The following TCERG1L variants were observed in gnomAD, a reference collection of about 807,000 sequenced individuals.
TCERG1L encodes transcription elongation regulator 1 like.
In TCERG1L, 37 loss-of-function variants were observed where a neutral mutation model predicts 56.3. The observed-to-expected ratio is 0.66, with a 90% CI of 0.51 to 0.87. TCERG1L has a LOEUF of 0.87. Among genes scored for constraint, TCERG1L ranks in the 40% least tolerant of loss-of-function variants. TCERG1L has a pLI of 0.00. For synonymous variants in TCERG1L, 324 were observed against 326.3 expected, an observed-to-expected ratio of 0.99 and a Z score of 0.08; for missense variants, 799 against 774.2, an observed-to-expected ratio of 1.03 and a Z score of -0.38.
Position 131,272,802 on chromosome 10 carries a change from C to T in TCERG1L, c.671-12358G>A, listed in dbSNP as rs186356986. Among the ~76,000 whole-genome samples, 87 of 152,328 alleles carry T rather than the reference C, an allele frequency of 5.7e-4. 1 individual carries two copies. The East Asian group carries it at 0.012, about 21-fold the overall frequency. On this transcript the variant is annotated intron_variant, in intron 3 of 11. Coordinates refer to ENST00000368642, the MANE Select transcript of TCERG1L (RefSeq NM_174937.4). ...CCTGCCGGGATGTGGAGGCATGAGC[C>T]GTCACCTCAGCAGGCTCAACACACC...
chr10:131,195,877 C>G, intron 4 of TCERG1L, among the ~76,000 whole-genome samples: 1 of 152,202 alleles, frequency 6.6e-6, no homozygotes, highest in East Asian at 1.9e-4. Context: ...CCACACAAGG[C>G]GAGGCAAGCA....
chr10:131,254,942 G>A (rs369466033), intron 4 of TCERG1L, among the ~76,000 whole-genome samples: 1 of 152,226 alleles, frequency 6.6e-6, no homozygotes, highest in South Asian at 2.1e-4. Context: ...TCATTGGGAA[G>A]TGGAGGTAGT....
At chr10:131,186,351 C>G (rs561756812) in intron 4 of TCERG1L, among the ~76,000 whole-genome samples, 56 of 152,148 alleles carry the variant, frequency 3.7e-4, no homozygotes, top group Non-Finnish European at 6.3e-4. Flanking sequence ...TATAGTTAAC[C>G]TATGGTATGT....
intron 6 of TCERG1L, among the ~76,000 whole-genome samples, chr10:131,147,755 C>T (rs996734783): frequency 2.6e-5 from 4 of 152,244 alleles, no homozygotes; most frequent in African/African-American, 9.6e-5. Flanking sequence ...TTGACTTCCC[C>T]GAGGGAGGCC....
intron 4 of TCERG1L, among the ~76,000 whole-genome samples, chr10:131,193,247 TC>T (rs1187817130): frequency 1.3e-5 from 2 of 152,228 alleles, no homozygotes; most frequent in Non-Finnish European, 2.9e-5. Flanking sequence ...TCTTTGTATG[TC>T]CTAAATATTA....
chr10:131,303,015 T>C (rs1199168814), intron 3 of TCERG1L, among the ~76,000 whole-genome samples: 2 of 152,056 alleles, frequency 1.3e-5, no homozygotes, highest in Non-Finnish European at 2.9e-5. Flanking sequence ...ATTTTCTTTA[T>C]CCAGTCTATC....
chr10:131,139,957 T>C lies in TCERG1L; in HGVS notation c.1190-5509A>G, dbSNP rs146247708. ...TGCATCAGGTAGTAAAAGTCCTGAG[T>C]CTCTGAGTCAAATGTCTTCCTTTCT... On this transcript the variant is annotated intron_variant, in intron 7 of 11. Transcript: ENST00000368642. Among the ~76,000 whole-genome samples the C allele has an allele frequency of 7.5e-3, 1,146 of 152,220 alleles. 13 individuals are homozygous for C. Among genetic ancestry groups the C allele is most frequent in the African/African-American group, 0.027 (1,103 of 41,522 alleles).
At chr10:131,106,462 G>A (rs1309732551) in intron 9 of TCERG1L, among the ~76,000 whole-genome samples, 2 of 152,192 alleles carry the variant, frequency 1.3e-5, no homozygotes, top group Non-Finnish European at 2.9e-5. Flanking sequence ...AGGACCAGCT[G>A]GTGGTGGGGA....
At chr10:131,152,691 C>T (rs993095971) in intron 6 of TCERG1L, among the ~76,000 whole-genome samples, 1 of 152,172 alleles carries the variant, frequency 6.6e-6, no homozygotes, top group African/African-American at 2.4e-5. Flanking sequence ...TAAGAATTTA[C>T]TGTATTAGTT....
intron 3 of TCERG1L, among the ~76,000 whole-genome samples, chr10:131,286,421 T>C (rs922825820): frequency 6.6e-6 from 1 of 152,232 alleles, no homozygotes; most frequent in African/African-American, 2.4e-5. Context: ...AAACCTGTGG[T>C]TACAATACCG....
intron 4 of TCERG1L, among the ~76,000 whole-genome samples, chr10:131,253,757 T>A (rs1471551980): frequency 1.3e-5 from 2 of 152,186 alleles, no homozygotes; most frequent in African/African-American, 4.8e-5. Flanking sequence ...CTAACCACAG[T>A]GCACAGGTGT....
chr10:131,117,969 G>A (rs1289932698), intron 8 of TCERG1L, among the ~76,000 whole-genome samples: 2 of 152,128 alleles, frequency 1.3e-5, no homozygotes, highest in Non-Finnish European at 2.9e-5. Flanking sequence ...CTGGGGGCAG[G>A]TCCGTCGGCT....
chr10:131,123,905 G>A (rs1166414264), intron 8 of TCERG1L, among the ~76,000 whole-genome samples: 1 of 145,782 alleles, frequency 6.9e-6, no homozygotes, highest in African/African-American at 2.4e-5. Context: ...GCCCCGTGAC[G>A]ATTTCCTTGG....
rs1038464509 is a variant in TCERG1L, at chr10:131,239,578, C to T, written c.856+20681G>A. ...GTGTGTGCTTGCAGGGACTCTCAGA[C>T]GCATCGGCCCTCAGACATCCATCGC... On this transcript the variant is annotated intron_variant, in intron 4 of 11. Transcript: ENST00000368642. 6.6e-5 allele frequency among the ~76,000 whole-genome samples: 10 copies of T among 152,358 alleles called. No homozygotes were observed. In the South Asian group the frequency reaches 1.5e-3, roughly 22 times the overall value.
intron 4 of TCERG1L, among the ~76,000 whole-genome samples, chr10:131,176,833 T>TAC (rs1292107873): frequency 2.9e-4 from 38 of 131,692 alleles, no homozygotes; most frequent in South Asian, 9.6e-4. Context: ...CAGACACGTG[T>TAC]ACACACAGGC....
In TCERG1L at chr10:131,130,137, A is replaced by G. The variant is rs894106083; in HGVS notation, c.1259+4242T>C. ...GGATTCACAGTTCCACGGTTCTGGG[A>G]GGCCTCACAATCACAGTGGAGGTGA... is the stretch of plus-strand genomic sequence containing the variant. On this transcript the variant is annotated intron_variant, in intron 8 of 11. Coordinates refer to ENST00000368642, the MANE Select transcript of TCERG1L (RefSeq NM_174937.4). Among the ~76,000 whole-genome samples, 47 of 150,944 alleles carry G rather than the reference A, an allele frequency of 3.1e-4. No individual in the cohort carries two copies. The East Asian group carries it at 4.7e-3, about 15-fold the overall frequency.
chr10:131,303,607 G>A (rs1474660655), intron 3 of TCERG1L, among the ~76,000 whole-genome samples: 1 of 152,040 alleles, frequency 6.6e-6, no homozygotes. Flanking sequence ...AGCAATATAG[G>A]TTTGTTGTTT....
Position 131,092,979 on chromosome 10 carries a change from G to C in TCERG1L, c.*183C>G, listed in dbSNP as rs1047338841. 1 of 573,216 alleles carries C rather than the reference G, an allele frequency of 1.7e-6. No homozygotes were observed. The highest frequency in any genetic ancestry group is 1.9e-5 in the African/African-American group (1 of 53,268). 35.5% of individuals were successfully genotyped at this position (573,216 alleles called of 1,614,324 possible). A position where few individuals can be genotyped will look rare whatever the true frequency, so the allele number is the denominator to read the frequency against. On this transcript the variant is annotated 3_prime_UTR_variant, in exon 12 of 12. Coordinates refer to ENST00000368642, the MANE Select transcript of TCERG1L (RefSeq NM_174937.4). ...ATTAGAAATGCATCAAACTCTGAAT[G>C]TACAAAAGAGAGAGCTTCAATATGA...
At chr10:131,132,090 C>T (rs1179330585) in intron 8 of TCERG1L, among the ~76,000 whole-genome samples, 1 of 152,142 alleles carries the variant, frequency 6.6e-6, no homozygotes, top group Non-Finnish European at 1.5e-5. Flanking sequence ...GTTGGTGCTT[C>T]GGAAGAGCTT....
Sources: allele counts gnomAD v4.1 joint callset (sites outside exome capture counted in the v4.1 genomes callset), GRCh38; gene constraint gnomAD v4.1.1; transcripts MANE v1.5; gene names NCBI Gene and HGNC (gene_info 2026-07-23, HGNC 2026-07-21).